Variants in PEAK1 observed in about 807,000 individuals in gnomAD.
PEAK1 encodes inactive tyrosine-protein kinase PEAK1.
A neutral mutation model predicts 124.7 loss-of-function variants in PEAK1; 54 were observed. That is an observed-to-expected ratio of 0.43 (90% CI 0.35 to 0.54). The LOEUF (loss-of-function observed/expected upper bound fraction) is 0.54, where lower values mean the gene tolerates loss of function less well. PEAK1 is among the 20% of genes least tolerant of loss of function. The pLI is 0.01. For synonymous variants in PEAK1, 719 were observed against 760.0 expected, an observed-to-expected ratio of 0.95 and a Z score of 0.89; for missense variants, 2,046 against 2,134.5, an observed-to-expected ratio of 0.96 and a Z score of 0.82.
chr15:77,344,133 C>T (rs1014176768), intron 2 of PEAK1, among the ~76,000 whole-genome samples: 9 of 152,094 alleles, frequency 5.9e-5, no homozygotes, highest in African/African-American at 1.9e-4. Flanking sequence ...TTCACTCTGT[C>T]GCCCAGGCTA....
At chr15:77,368,550 A>G (rs1286156302) in intron 1 of PEAK1, among the ~76,000 whole-genome samples, 1 of 152,122 alleles carries the variant, frequency 6.6e-6, no homozygotes, top group Non-Finnish European at 1.5e-5. Flanking sequence ...TTTTACCACT[A>G]TAAAAACTGC....
rs552265470 is a variant in PEAK1 at position 77,111,376 on chromosome 15, T to C, written c.*2780A>G. On this transcript the variant is annotated 3_prime_UTR_variant, in exon 10 of 10. Coordinates refer to ENST00000682557, the MANE Select transcript of PEAK1 (RefSeq NM_001385026.1). ...TGAATTTCATTTTTTTGGAAAAATATTCTGAAGACCAACTCATGTAGTACT... is the reference window on the plus strand; with the variant it reads ...TGAATTTCATTTTTTTGGAAAAATACTCTGAAGACCAACTCATGTAGTACT... The C allele has an allele frequency of 1.3e-5, 2 of 152,340 alleles. No homozygotes were observed. The highest frequency in any genetic ancestry group is 6.5e-5 in the Admixed American group (1 of 15,304). The allele number at this position is 152,340 out of a possible 1,614,324, so 9.4% of individuals were successfully genotyped here. A position where few individuals can be genotyped will look rare whatever the true frequency, so the allele number is the denominator to read the frequency against.
rs183770580 is a variant in PEAK1, at chr15:77,165,850, A to G, written c.3138-7154T>C. ...ACTGAGATTGAAAGAAGTTAAATCAATTGCCTAAAATTACATGGGTAGTAA... is the reference window on the plus strand; with the variant it reads ...ACTGAGATTGAAAGAAGTTAAATCAGTTGCCTAAAATTACATGGGTAGTAA... On this transcript the variant is annotated intron_variant, in intron 7 of 9. Coordinates refer to ENST00000682557, the MANE Select transcript of PEAK1 (RefSeq NM_001385026.1). Among the ~76,000 whole-genome samples the G allele has an allele frequency of 2.4e-3, 363 of 152,294 alleles. 2 individuals are homozygous for G. Among genetic ancestry groups the G allele is most frequent in the African/African-American group, 8.5e-3 (351 of 41,530 alleles).
chr15:77,155,089 G>C (rs894083567), intron 8 of PEAK1: 3 of 152,184 alleles, frequency 2.0e-5, no homozygotes, highest in Non-Finnish European at 4.4e-5. Context: ...TTTCCAGCTT[G>C]GTTCCATTCT....
chr15:77,208,005 C>T (rs2058742452), intron 6 of PEAK1, among the ~76,000 whole-genome samples: 1 of 152,116 alleles, frequency 6.6e-6, no homozygotes, highest in Admixed American at 6.6e-5. Flanking sequence ...AAATAAGGGA[C>T]AAGGCTCTGA....
chr15:77,203,723 AAAAT>A (rs1225861987), intron 6 of PEAK1, among the ~76,000 whole-genome samples: 3 of 152,178 alleles, frequency 2.0e-5, no homozygotes, highest in African/African-American at 7.2e-5. Context: ...AAAAAAAAAA[AAAAT>A]CTCAATACAG....
chr15:77,192,772 A>C (rs1274928842), intron 6 of PEAK1, among the ~76,000 whole-genome samples: 1 of 152,214 alleles, frequency 6.6e-6, no homozygotes, highest in East Asian at 1.9e-4. Flanking sequence ...GCCATTGCTA[A>C]TAAGATTTGT....
intron 7 of PEAK1, among the ~76,000 whole-genome samples, chr15:77,161,469 A>T (rs1179018391): frequency 6.6e-6 from 1 of 152,252 alleles, no homozygotes; most frequent in Non-Finnish European, 1.5e-5. Context: ...TGGTATATTA[A>T]ATCATCAATT....
chr15:77,194,117 A>G (rs927188028), intron 6 of PEAK1, among the ~76,000 whole-genome samples: 1 of 152,144 alleles, frequency 6.6e-6, no homozygotes, highest in African/African-American at 2.4e-5. Context: ...GTATCAAAAC[A>G]TTGGCAGACA....
chr15:77,395,673 GA>G (rs1169042798), intron 1 of PEAK1, among the ~76,000 whole-genome samples: 4 of 149,906 alleles, frequency 2.7e-5, no homozygotes, highest in African/African-American at 7.4e-5. Context: ...AGTGCTTAAG[GA>G]AAAAAAAACC....
chr15:77,403,022 A>C (rs1316008933), intron 1 of PEAK1: 31 of 985,154 alleles, frequency 3.1e-5, no homozygotes, highest in Admixed American at 6.2e-5. Context: ...TTCCACTCTA[A>C]GCAATGATGA....
intron 9 of PEAK1, among the ~76,000 whole-genome samples, chr15:77,126,763 G>A (rs2152730774): frequency 6.6e-6 from 1 of 152,336 alleles, no homozygotes; most frequent in African/African-American, 2.4e-5. Context: ...ACCCAGGTCA[G>A]CTGACTCCAA....
chr15:77,417,231 G>T, intron 1 of PEAK1: 1 of 531,190 alleles, frequency 1.9e-6, no homozygotes, highest in Non-Finnish European at 2.4e-6. Context: ...CTTGCAAAAA[G>T]GAATCTCATA....
intron 5 of PEAK1, among the ~76,000 whole-genome samples, chr15:77,268,354 A>G (rs1043857146): frequency 2.4e-4 from 36 of 152,144 alleles, no homozygotes; most frequent in African/African-American, 8.4e-4. Context: ...TGTGCCTGTA[A>G]TCCCAGCTAC....
At chr15:77,104,447 T>C (rs2050726576), downstream of PEAK1, 1 of 152,410 alleles carries the variant, frequency 6.6e-6, no homozygotes, top group Admixed American at 6.5e-5. Context: ...GTTGGTGATT[T>C]CAGATGGCTA....
At chr15:77,144,827 G>A (rs1281481258) in intron 8 of PEAK1, among the ~76,000 whole-genome samples, 3 of 152,148 alleles carry the variant, frequency 2.0e-5, no homozygotes, top group Non-Finnish European at 4.4e-5. Context: ...TCTCCTAACT[G>A]AATTCCAATC....
At chr15:77,216,257 T>C (rs745893453) in intron 6 of PEAK1, among the ~76,000 whole-genome samples, 1 of 152,200 alleles carries the variant, frequency 6.6e-6, no homozygotes, top group African/African-American at 2.4e-5. Context: ...GTCTTTAATA[T>C]GAGGGATCTT....
chr15:77,367,552 C>T lies in PEAK1; in HGVS notation c.-665-2327G>A, dbSNP rs1408372257. On this transcript the variant is annotated intron_variant, in intron 1 of 9. Coordinates refer to ENST00000682557, the MANE Select transcript of PEAK1 (RefSeq NM_001385026.1). ...GGATTTTAAAAGTAAAATAAAAATG[C>T]TTAATGATAGGAAAATGCTCATCTG... Among the ~76,000 whole-genome samples the T allele has an allele frequency of 3.3e-5, 5 of 152,070 alleles. No individual in the cohort carries two copies. In the South Asian group the frequency reaches 1.0e-3, roughly 31 times the overall value.
At chr15:77,402,182 A>AAAAAAAAAAAAT in intron 1 of PEAK1, 2 of 981,734 alleles carry the variant, frequency 2.0e-6, no homozygotes, top group Non-Finnish European at 2.4e-6. Context: ...AAAAAAAAAA[A>AAAAAAAAAAAAT]GGGACCAGAT....
Sources: gnomAD v4.1 joint callset for allele counts (sites outside exome capture counted in the v4.1 genomes callset) on GRCh38, gnomAD v4.1.1 for gene constraint, MANE v1.5 for transcripts, NCBI Gene and HGNC (gene_info 2026-07-23, HGNC 2026-07-21) for gene names.